ZNF365: variants seen among roughly 807,000 people sequenced by gnomAD.
The protein encoded by ZNF365 is protein ZNF365.
ZNF365 carries 22 observed loss-of-function variants against 35.0 expected under a neutral mutation model. The observed-to-expected ratio is 0.63, with a 90% CI of 0.45 to 0.90. ZNF365 has a LOEUF of 0.90. ZNF365 is among the 40% of genes least tolerant of loss of function. The probability of loss-of-function intolerance (pLI) is 0.00; values close to 1 mark genes in which losing one functional copy is unlikely to be tolerated. For synonymous variants in ZNF365, 188 were observed against 196.2 expected (o/e 0.96, Z 0.35); for missense variants, 448 against 500.3 (o/e 0.90, Z 1.00).
rs191830589 is a variant in ZNF365, at chr10:62,444,839, T to C, written c.925-14902T>C. Among the ~76,000 whole-genome samples the C allele has an allele frequency of 2.0e-5, 3 of 152,210 alleles. No homozygotes were observed. In the East Asian group the frequency reaches 5.8e-4, roughly 29 times the overall value. ...GGGCACATAGTGCAGGTCAGTTACA[T>C]ATGTATACATGTGCCATGCTGGTGT... On this transcript the variant is annotated intron_variant, in intron 3 of 4. Coordinates refer to the ZNF365 transcript ENST00000395255.
intron 3 of ZNF365, among the ~76,000 whole-genome samples, chr10:62,418,995 A>G (rs978050455): frequency 6.7e-6 from 1 of 150,168 alleles, no homozygotes; most frequent in Non-Finnish European, 1.5e-5. Context: ...CTAATATTAT[A>G]CACGTCTGAA....
At position 62,480,105 on chromosome 10, in the gene ZNF365, A is replaced by G. The variant is rs916377246; in HGVS notation, c.*209A>G. 2.3e-6 allele frequency: 3 copies of G among 1,332,726 alleles called. No individual in the cohort carries two copies. The African/African-American group carries it at 4.5e-5, about 20-fold the overall frequency. The allele number at this position is 1,332,726 out of a possible 1,614,324, so 82.6% of individuals were successfully genotyped here. ...ATGGATGAGCTCCAGGTCCTCCCTA[A>G]CAAGACTGCAGACTTCCTGAGGGCA... is the stretch of plus-strand genomic sequence containing the variant. On this transcript the variant is annotated 3_prime_UTR_variant, in exon 5 of 5. Coordinates refer to the ZNF365 transcript ENST00000395255.
intron 4 of ZNF365, among the ~76,000 whole-genome samples, chr10:62,469,086 A>G (rs1298915450): frequency 6.6e-6 from 1 of 152,234 alleles, no homozygotes; most frequent in Admixed American, 6.5e-5. Context: ...TCAAGAGCAG[A>G]GTTCATGGCA....
In ZNF365 at chr10:62,401,418, A is replaced by G. The variant is rs1839826670; in HGVS notation, c.*1629A>G. ...AGTCAATTGAAAAGTGTAACTTATC[A>G]TTATACAAACATTCTGAACCTACCA... On this transcript the variant is annotated 3_prime_UTR_variant, in exon 5 of 5. Transcript: ENST00000395254. 2 of 985,448 alleles carry G rather than the reference A, an allele frequency of 2.0e-6. No homozygotes were observed. The highest frequency in any genetic ancestry group is 6.1e-5 in the Admixed American group (1 of 16,266). The allele number at this position is 985,448 out of a possible 1,614,324, so 61.0% of individuals were successfully genotyped here.
intron 3 of ZNF365, among the ~76,000 whole-genome samples, chr10:62,430,726 G>A (rs1010878294): frequency 6.6e-6 from 1 of 152,166 alleles, no homozygotes; most frequent in Non-Finnish European, 1.5e-5. Flanking sequence ...AGAAAGAGAC[G>A]AAAGAGACAT....
intron 3 of ZNF365, among the ~76,000 whole-genome samples, chr10:62,388,805 T>C (rs941016956): frequency 7.9e-5 from 12 of 152,172 alleles, no homozygotes; most frequent in Non-Finnish European, 1.3e-4. Flanking sequence ...ACCCTCCCAC[T>C]CCACATCATG....
rs117710247 is a variant in ZNF365, at chr10:62,470,285, A to T, written c.982-9591A>T. Among the ~76,000 whole-genome samples the T allele has an allele frequency of 2.9e-3, 443 of 152,292 alleles. 2 individuals carry two copies. Among genetic ancestry groups the T allele is most frequent in the Non-Finnish European group, 4.8e-3 (324 of 68,010 alleles). On this transcript the variant is annotated intron_variant, in intron 4 of 4. Coordinates refer to the ZNF365 transcript ENST00000395255. ...GCCCCATTCCATTATCACCCCTGGG[A>T]GTCTGTTCTGCACTCACAGTTGTCC... is the stretch of plus-strand genomic sequence containing the variant.
chr10:62,458,371 CT>C (rs1840793662), intron 3 of ZNF365, among the ~76,000 whole-genome samples: 1 of 151,896 alleles, frequency 6.6e-6, no homozygotes, highest in African/African-American at 2.4e-5. Context: ...CCTTTTTTGT[CT>C]TCAGCATGGT....
chr10:62,395,686 C>T (rs1839714097), intron 3 of ZNF365, among the ~76,000 whole-genome samples: 1 of 151,830 alleles, frequency 6.6e-6, no homozygotes, highest in South Asian at 2.1e-4. Flanking sequence ...CTCCAAAATC[C>T]AAAACATTTT....
intron 3 of ZNF365, among the ~76,000 whole-genome samples, chr10:62,452,100 T>C (rs1205407830): frequency 6.6e-6 from 1 of 152,220 alleles, no homozygotes; most frequent in East Asian, 1.9e-4. Context: ...AACTTAGATC[T>C]TTCTATGCCA....
At chr10:62,471,419 A>T (rs7896491) in intron 4 of ZNF365, among the ~76,000 whole-genome samples, 4 of 151,784 alleles carry the variant, frequency 2.6e-5, no homozygotes, top group African/African-American at 9.7e-5. Context: ...GATTTGAAAT[A>T]GCATCATTTA....
At chr10:62,396,733 A>C (rs1295417886) in intron 3 of ZNF365, among the ~76,000 whole-genome samples, 2 of 152,184 alleles carry the variant, frequency 1.3e-5, no homozygotes, top group Non-Finnish European at 2.9e-5. Flanking sequence ...CAGGGACAGA[A>C]ACATACACAC....
chr10:62,422,672 G>T (rs114864354), intron 3 of ZNF365, among the ~76,000 whole-genome samples: 1 of 152,116 alleles, frequency 6.6e-6, no homozygotes, highest in Non-Finnish European at 1.5e-5. Context: ...CATTTATTCA[G>T]TTTGGAAATA....
chr10:62,429,498 T>C (rs1840303108), intron 3 of ZNF365, among the ~76,000 whole-genome samples: 1 of 152,204 alleles, frequency 6.6e-6, no homozygotes, highest in African/African-American at 2.4e-5. Context: ...GACTAGAAGA[T>C]GAATAAATGT....
chr10:62,397,920 G>A (rs1243716725), intron 3 of ZNF365, among the ~76,000 whole-genome samples: 3 of 152,162 alleles, frequency 2.0e-5, no homozygotes, highest in Non-Finnish European at 4.4e-5. Context: ...GGTTTTGGGA[G>A]GAACAGGTGG....
At chr10:62,382,097 G>A (rs1229421318) in intron 2 of ZNF365, among the ~76,000 whole-genome samples, 1 of 152,214 alleles carries the variant, frequency 6.6e-6, no homozygotes, top group Non-Finnish European at 1.5e-5. Context: ...CCTGAGCTAG[G>A]TAATGCCCAT....
At chr10:62,465,035 A>C (rs966702894) in intron 4 of ZNF365, among the ~76,000 whole-genome samples, 1 of 152,182 alleles carries the variant, frequency 6.6e-6, no homozygotes, top group African/African-American at 2.4e-5. Flanking sequence ...CTGCCCAGCC[A>C]CCCAGCTACA....
chr10:62,455,233 A>T (rs1026062088), intron 3 of ZNF365, among the ~76,000 whole-genome samples: 6 of 152,106 alleles, frequency 3.9e-5, no homozygotes, highest in Non-Finnish European at 7.4e-5. Context: ...GCTGGGAGAG[A>T]GCTGGACAGG....
chr10:62,390,203 G>C (rs1398363805), intron 3 of ZNF365, among the ~76,000 whole-genome samples: 1 of 152,176 alleles, frequency 6.6e-6, no homozygotes, highest in Non-Finnish European at 1.5e-5. Context: ...GTAAAATGAA[G>C]GGGTTGGATT....
Sources: allele counts gnomAD v4.1 joint callset (sites outside exome capture counted in the v4.1 genomes callset), GRCh38; gene constraint gnomAD v4.1.1; transcripts MANE v1.5; gene names NCBI Gene and HGNC (gene_info 2026-07-23, HGNC 2026-07-21).